The following DMD variants were observed in gnomAD, a reference collection of about 807,000 sequenced individuals.
DMD encodes mutant dystrophin.
DMD carries 63 observed loss-of-function variants against 330.1 expected under a neutral mutation model. The observed-to-expected ratio is 0.19, with a 90% CI of 0.16 to 0.24. The LOEUF is 0.24. Ranked by LOEUF, DMD falls within the 10% of genes least tolerant of loss-of-function variation. The probability of loss-of-function intolerance (pLI) is 1.00; values close to 1 mark genes in which losing one functional copy is unlikely to be tolerated. For synonymous variants in DMD, 1,223 were observed against 959.8 expected, an observed-to-expected ratio of 1.27 and a Z score of -5.07; for missense variants, 3,344 against 2,684.1, an observed-to-expected ratio of 1.25 and a Z score of -5.43.
intron 1 of DMD, among the ~76,000 whole-genome samples, chrX:33,062,339 C>G (rs1410867204): frequency 2.7e-5 from 3 of 111,350 alleles, no homozygotes; most frequent in Non-Finnish European, 5.6e-5. Context: ...CTTGATCCAA[C>G]CTCTATTTTT....
intron 51 of DMD, among the ~76,000 whole-genome samples, chrX:31,772,121 T>A (rs1052114169): frequency 1.8e-5 from 2 of 112,421 alleles, no homozygotes; most frequent in Non-Finnish European, 3.8e-5. Context: ...ATTGGTTAGA[T>A]TTCTAGAGTT....
At chrX:32,377,983 C>G (rs994030128) in intron 34 of DMD, among the ~76,000 whole-genome samples, 1 of 110,519 alleles carries the variant, frequency 9.0e-6, no homozygotes, top group African/African-American at 3.3e-5. Context: ...TTCATGGAGC[C>G]ATGTTGGTAG....
chrX:32,901,871 T>C (rs771467785), intron 2 of DMD, among the ~76,000 whole-genome samples: 6 of 110,511 alleles, frequency 5.4e-5, no homozygotes, highest in South Asian at 3.8e-4. Flanking sequence ...TTATCTGTTT[T>C]ATAGTTTCCT....
At chrX:33,149,154 T>C (rs2048165001) in intron 1 of DMD, among the ~76,000 whole-genome samples, 2 of 110,013 alleles carry the variant, frequency 1.8e-5, no homozygotes, top group African/African-American at 6.7e-5. Context: ...AATAATTATG[T>C]AACTCACCAT....
chrX:32,616,402 A>C (rs1188536226), intron 11 of DMD, among the ~76,000 whole-genome samples: 4 of 110,886 alleles, frequency 3.6e-5, no homozygotes, highest in Non-Finnish European at 3.8e-5. Flanking sequence ...TTTATTTATG[A>C]AATTATTTAT....
At chrX:32,738,288 T>C (rs938271221) in intron 7 of DMD, among the ~76,000 whole-genome samples, 7 of 110,832 alleles carry the variant, frequency 6.3e-5, no homozygotes, top group Admixed American at 9.6e-5. Context: ...ATCACTCCCT[T>C]ATAAAGAAAA....
intron 7 of DMD, among the ~76,000 whole-genome samples, chrX:32,751,987 G>A (rs1164099174): frequency 8.9e-6 from 1 of 112,897 alleles, no homozygotes; most frequent in Non-Finnish European, 1.9e-5. Context: ...GATTTCAGAG[G>A]ATGTATGGAA....
chrX:32,039,062 A>G (rs936055931), intron 44 of DMD, among the ~76,000 whole-genome samples: 10 of 111,622 alleles, frequency 9.0e-5, no homozygotes, highest in Non-Finnish European at 1.5e-4. Context: ...AAGTTTTCTC[A>G]GATGAAAATG....
At chrX:33,046,884 C>T (rs889278165) in intron 1 of DMD, among the ~76,000 whole-genome samples, 2 of 111,826 alleles carry the variant, frequency 1.8e-5, no homozygotes, top group African/African-American at 6.5e-5. Flanking sequence ...TTTTTATGCA[C>T]TTTTTAAGTT....
Position 31,308,419 on chromosome X carries a change from T to A in DMD, c.9224+15179A>T, listed in dbSNP as rs369074803. 9.9e-5 allele frequency among the ~76,000 whole-genome samples: 11 copies of A among 111,662 alleles called. No individual in the cohort carries two copies. The South Asian group carries it at 4.2e-3, about 42-fold the overall frequency. On this transcript the variant is annotated intron_variant, in intron 62 of 78. Transcript: ENST00000357033. ...TCAACCCCATCAACACTCAACCCCA[T>A]CTGCTCTCAACAAACTGAAATATAC...
chrX:32,608,836 A>C (rs1002602679), intron 12 of DMD, among the ~76,000 whole-genome samples: 13 of 110,359 alleles, frequency 1.2e-4, no homozygotes, highest in African/African-American at 4.3e-4. Context: ...TAACCATTAA[A>C]CTTTCATTAA....
At chrX:32,666,762 G>T (rs1212827420) in intron 9 of DMD, among the ~76,000 whole-genome samples, 1 of 107,514 alleles carries the variant, frequency 9.3e-6, no homozygotes, top group African/African-American at 3.4e-5. Context: ...TGGGAGGCAG[G>T]GGTGCAGTGA....
At chrX:32,742,720 A>T (rs188728585) in intron 7 of DMD, among the ~76,000 whole-genome samples, 2 of 112,275 alleles carry the variant, frequency 1.8e-5, no homozygotes, top group Non-Finnish European at 3.8e-5. Flanking sequence ...AGTAGGTATA[A>T]GGAAAAAGGC....
intron 1 of DMD, among the ~76,000 whole-genome samples, chrX:33,164,030 A>G (rs1385489130): frequency 9.0e-6 from 1 of 111,382 alleles, no homozygotes; most frequent in East Asian, 2.8e-4. Context: ...TTTTCTGCTT[A>G]TTTATATATA....
At chrX:31,647,593 A>C (rs1010408885) in intron 54 of DMD, among the ~76,000 whole-genome samples, 1 of 112,200 alleles carries the variant, frequency 8.9e-6, no homozygotes, top group African/African-American at 3.2e-5. Flanking sequence ...GGTTGTGATA[A>C]AGTTGAAGTT....
At chrX:31,126,716 G>GAA in intron 77 of DMD, 43 bp from the exon 78 acceptor site, 1 of 981,148 alleles carries the variant, frequency 1.0e-6, no homozygotes, top group Non-Finnish European at 1.4e-6. Context: ...ATCAGAAAGG[G>GAA]AAAAAAAACA....
chrX:31,984,627 G>A (rs919266226), intron 44 of DMD, among the ~76,000 whole-genome samples: 17 of 112,214 alleles, frequency 1.5e-4, no homozygotes, highest in African/African-American at 5.5e-4. Context: ...ACACAAACAA[G>A]GCTTTAATTT....
rs113493133 is a variant in DMD, at chrX:32,664,264, T to C, written c.961-19112A>G. ...TTTTTTTTTTTTTTTTTTTTTGAGA[T>C]GGAGTCTCGCTCTGTCACCCAGGCT... On this transcript the variant is annotated intron_variant, in intron 9 of 78. Coordinates refer to ENST00000357033, the MANE Select transcript of DMD (RefSeq NM_004006.3). Among the ~76,000 whole-genome samples the C allele has an allele frequency of 6.9e-3, 647 of 93,149 alleles. 6 individuals carry two copies. The highest frequency in any genetic ancestry group is 0.025 in the African/African-American group (601 of 24,426). 80.9% of individuals were successfully genotyped at this position (93,149 alleles called of 115,157 possible).
At chrX:31,338,689 T>G (rs1014040012) in intron 61 of DMD, among the ~76,000 whole-genome samples, 1 of 110,593 alleles carries the variant, frequency 9.0e-6, no homozygotes, top group African/African-American at 3.3e-5. Flanking sequence ...TTCTAGGGAT[T>G]TTACCTAAGG....
Sources: gnomAD v4.1 joint callset for allele counts (sites outside exome capture counted in the v4.1 genomes callset) on GRCh38, gnomAD v4.1.1 for gene constraint, MANE v1.5 for transcripts, NCBI Gene and HGNC (gene_info 2026-07-23, HGNC 2026-07-21) for gene names.